The following FAM13A variants were observed in gnomAD, a reference collection of about 807,000 sequenced individuals.
The protein encoded by FAM13A is protein FAM13A.
A neutral mutation model predicts 129.6 loss-of-function variants in FAM13A; 76 were observed. The ratio of observed to expected loss-of-function variants is 0.59; its 90% CI spans 0.49 to 0.71. The LOEUF (loss-of-function observed/expected upper bound fraction) is 0.71. Ranked by LOEUF, FAM13A falls within the 30% of genes least tolerant of loss-of-function variation. The pLI, the probability that FAM13A is intolerant of heterozygous loss-of-function variation, is 0.00. For synonymous variants in FAM13A, 443 were observed against 449.9 expected (o/e 0.98, Z 0.20); for missense variants, 1,108 against 1,249.3 (o/e 0.89, Z 1.70).
At chr4:88,972,250 A>C (rs1238275951) in intron 4 of FAM13A, among the ~76,000 whole-genome samples, 1 of 151,710 alleles carries the variant, frequency 6.6e-6, no homozygotes, top group Non-Finnish European at 1.5e-5. Context: ...TACTGTCAAC[A>C]AATTCCCTCA....
intron 2 of FAM13A, among the ~76,000 whole-genome samples, chr4:89,026,606 A>G (rs1416515482): frequency 6.6e-6 from 1 of 152,194 alleles, no homozygotes; most frequent in East Asian, 1.9e-4. Flanking sequence ...CCTTCTTCAC[A>G]AGGCAGCAGG....
At chr4:89,014,141 T>C (rs960360781) in intron 3 of FAM13A, among the ~76,000 whole-genome samples, 11 of 152,174 alleles carry the variant, frequency 7.2e-5, no homozygotes, top group Admixed American at 3.9e-4. Flanking sequence ...ATACAAATGA[T>C]TGTAAAATAA....
intron 14 of FAM13A, among the ~76,000 whole-genome samples, chr4:88,756,459 A>G (rs1743656635): frequency 6.6e-6 from 1 of 152,184 alleles, no homozygotes; most frequent in Non-Finnish European, 1.5e-5. Flanking sequence ...TTCACCTGAC[A>G]TTCTGCGATT....
At chr4:88,753,110 C>G (rs1371280991) in intron 14 of FAM13A, among the ~76,000 whole-genome samples, 1 of 152,172 alleles carries the variant, frequency 6.6e-6, no homozygotes, top group Non-Finnish European at 1.5e-5. Context: ...TCCTGAAGCC[C>G]TTTAATGTGT....
intron 6 of FAM13A, among the ~76,000 whole-genome samples, chr4:88,895,905 C>G (rs1746214074): frequency 1.4e-5 from 2 of 147,966 alleles, no homozygotes; most frequent in African/African-American, 5.1e-5. Context: ...TTTGACCCAG[C>G]CATCGCATTA....
At chr4:88,748,466 C>T (rs1015403713) in intron 17 of FAM13A, among the ~76,000 whole-genome samples, 3 of 152,182 alleles carry the variant, frequency 2.0e-5, no homozygotes, top group South Asian at 2.1e-4. Flanking sequence ...TGATCTAATG[C>T]CCAGCCACTG....
intron 3 of FAM13A, among the ~76,000 whole-genome samples, chr4:89,004,484 A>G (rs1220687830): frequency 6.6e-6 from 1 of 152,352 alleles, no homozygotes; most frequent in African/African-American, 2.4e-5. Context: ...GTTCAAGCAC[A>G]GTTTCAATTA....
intron 4 of FAM13A, among the ~76,000 whole-genome samples, chr4:88,966,282 C>T (rs1030357614): frequency 1.3e-5 from 2 of 152,110 alleles, no homozygotes; most frequent in African/African-American, 4.8e-5. Context: ...TACATCCCTC[C>T]CTCCTTTTCC....
At chr4:88,941,352 C>T (rs1342118401) in intron 4 of FAM13A, among the ~76,000 whole-genome samples, 1 of 152,160 alleles carries the variant, frequency 6.6e-6, no homozygotes, top group African/African-American at 2.4e-5. Flanking sequence ...ATTGTTGTGT[C>T]TCCCAGCTCC....
At chr4:88,950,098 T>C (rs1472613490) in intron 4 of FAM13A, among the ~76,000 whole-genome samples, 3 of 152,216 alleles carry the variant, frequency 2.0e-5, no homozygotes, top group African/African-American at 7.2e-5. Context: ...TAACTAGATA[T>C]GTTTCAATCT....
intron 7 of FAM13A, among the ~76,000 whole-genome samples, chr4:88,829,076 T>C (rs2149871747): frequency 6.6e-6 from 1 of 152,364 alleles, no homozygotes; most frequent in East Asian, 1.9e-4. Context: ...TGTGGCTGTG[T>C]TTCTTTTAAT....
Position 88,965,855 on chromosome 4 carries a change from C to T in FAM13A, c.605+25118G>A, listed in dbSNP as rs188388849. Among the ~76,000 whole-genome samples, 268 of 152,276 alleles carry T rather than the reference C, an allele frequency of 1.8e-3. 1 individual carries two copies. Among genetic ancestry groups the T allele is most frequent in the Middle Eastern group, 6.8e-3 (2 of 294 alleles). On this transcript the variant is annotated intron_variant, in intron 4 of 23. Coordinates refer to ENST00000264344, the MANE Select transcript of FAM13A (RefSeq NM_014883.4). ...TAGCTTAGTTCACTGAGCATAACGT[C>T]GGCAAGGTTCGTCCATGTTGTAGTA...
At chr4:89,021,397 T>C (rs2149110174) in intron 2 of FAM13A, among the ~76,000 whole-genome samples, 1 of 152,358 alleles carries the variant, frequency 6.6e-6, no homozygotes, top group South Asian at 2.1e-4. Flanking sequence ...CTTAGTATCA[T>C]ATTCTTTTTC....
rs78080938 is a variant in FAM13A at position 88,946,310 on chromosome 4, G to A, written c.606-8069C>T. 1.4e-3 allele frequency among the ~76,000 whole-genome samples: 211 copies of A among 151,486 alleles called. 5 individuals carry two copies. In the East Asian group the frequency reaches 0.03, roughly 22 times the overall value. ...ATAAATAACTCAGTCTCCTCTGTCC[G>A]GTGTGCTCTTGTGGCTGGATAGCTA... On this transcript the variant is annotated intron_variant, in intron 4 of 23. Coordinates refer to ENST00000264344, the MANE Select transcript of FAM13A (RefSeq NM_014883.4).
rs1387803702 is a variant in FAM13A, at chr4:88,998,929, C to T, written c.428-7779G>A. The stretch of plus-strand genomic sequence containing the variant: ...ACCATGATATGGTTCTCAGAGGCCT[C>T]ACGTAAATTTCTCAAAGGGCAGACT... On this transcript the variant is annotated intron_variant, in intron 3 of 23. Transcript: ENST00000264344. Among the ~76,000 whole-genome samples the T allele has an allele frequency of 2.6e-5, 4 of 152,118 alleles. No individual in the cohort carries two copies. The East Asian group carries it at 7.7e-4, about 29-fold the overall frequency.
chr4:88,831,723 C>T (rs1275903189), intron 7 of FAM13A, among the ~76,000 whole-genome samples: 1 of 152,074 alleles, frequency 6.6e-6, no homozygotes, highest in Non-Finnish European at 1.5e-5. Context: ...AAGTACAAAC[C>T]ACTGCTCAAA....
chr4:88,875,570 G>A (rs1304493465), intron 6 of FAM13A, among the ~76,000 whole-genome samples: 1 of 152,160 alleles, frequency 6.6e-6, no homozygotes, highest in Non-Finnish European at 1.5e-5. Context: ...TCAGAGAAAT[G>A]CAAATCAAAA....
At chr4:88,752,308 C>A (rs1391314122) in intron 14 of FAM13A, among the ~76,000 whole-genome samples, 1 of 152,180 alleles carries the variant, frequency 6.6e-6, no homozygotes, top group Non-Finnish European at 1.5e-5. Context: ...AGTCTCCTGA[C>A]TTCCAGATCA....
intron 3 of FAM13A, among the ~76,000 whole-genome samples, chr4:88,992,190 TC>T: frequency 6.6e-6 from 1 of 152,198 alleles, no homozygotes; most frequent in Admixed American, 6.5e-5. Context: ...CAGTAGTCCC[TC>T]TAGCTATCAT....
Sources: allele counts gnomAD v4.1 joint callset (sites outside exome capture counted in the v4.1 genomes callset), GRCh38; gene constraint gnomAD v4.1.1; transcripts MANE v1.5; gene names NCBI Gene and HGNC (gene_info 2026-07-23, HGNC 2026-07-21).